The following TRPC3 variants were observed in gnomAD, a reference collection of about 807,000 sequenced individuals.
The protein encoded by TRPC3 is transient receptor potential cation channel subfamily C member 3.
A neutral mutation model predicts 90.9 loss-of-function variants in TRPC3; 54 were observed. The ratio of observed to expected loss-of-function variants is 0.59; its 90% confidence interval spans 0.48 to 0.75. The LOEUF is 0.75. Among genes scored for constraint, TRPC3 ranks in the 30% least tolerant of loss-of-function variants. The probability of loss-of-function intolerance (pLI) is 0.00; values close to 1 mark genes in which losing one functional copy is unlikely to be tolerated. For missense variants in TRPC3, 918 were observed against 1,194.5 expected, an observed-to-expected ratio of 0.77 and a Z score of 3.41; for synonymous variants, 424 against 450.9, an observed-to-expected ratio of 0.94 and a Z score of 0.75.
At chr4:121,934,976 A>C (rs1047383406) in intron 1 of TRPC3, among the ~76,000 whole-genome samples, 1 of 152,244 alleles carries the variant, frequency 6.6e-6, no homozygotes, top group Non-Finnish European at 1.5e-5. Flanking sequence ...TAAAAATTAA[A>C]TAAACATATT....
intron 1 of TRPC3, among the ~76,000 whole-genome samples, chr4:121,939,291 G>C (rs1031667287): frequency 6.6e-6 from 1 of 152,102 alleles, no homozygotes; most frequent in South Asian, 2.1e-4. Context: ...TGGGATTTTT[G>C]TATTTTTATG....
rs199670427 is a variant in TRPC3 at position 121,932,924 on chromosome 4, C to G, written c.334G>C (p.Glu112Gln). The G allele has an allele frequency of 6.2e-7, 1 of 1,614,054 alleles. No homozygotes were observed. Among genetic ancestry groups the G allele is most frequent in the African/African-American group, 1.3e-5 (1 of 75,064 alleles). ...FNDRGTSLTA[E>Q]EERFLDAAEY... Reference sequence around the variant, plus strand: ...GCGGCGTCGAGGAAGCGCTCCTCCTCGGCGGTGAGGCTGGTGCCGCGGTCA... The same window carrying G: ...GCGGCGTCGAGGAAGCGCTCCTCCTGGGCGGTGAGGCTGGTGCCGCGGTCA... The change falls in exon 2 of 12, where the codon GAG (glutamate) becomes CAG (glutamine). Residue 112 changes from glutamate to glutamine, a missense_variant. By Grantham distance (29) the Glu-to-Gln change is conservative. Around this residue, in one of 4 missense-constraint regions of TRPC3, gnomAD observed 609 missense variants for 725.9 expected, o/e 0.84. Coordinates refer to ENST00000379645, the MANE Select transcript of TRPC3 (RefSeq NM_001130698.2). This position sits in a 1 kb window ranked among gnomAD's most constrained non-coding sequence, Gnocchi z 7.7.
chr4:121,899,573 T>C, intron 10 of TRPC3, 39 bp downstream of exon 10: 1 of 1,532,250 alleles, frequency 6.5e-7, no homozygotes. Context: ...ATATATGGAA[T>C]CACATAGAGA....
At chr4:121,942,487 T>A (rs1730353493) in intron 1 of TRPC3, among the ~76,000 whole-genome samples, 1 of 152,132 alleles carries the variant, frequency 6.6e-6, no homozygotes, top group South Asian at 2.1e-4. Context: ...AAGAATGGCT[T>A]GAATCTGGGA....
At chr4:121,929,108 A>G (rs1729810270) in intron 2 of TRPC3, among the ~76,000 whole-genome samples, 1 of 152,224 alleles carries the variant, frequency 6.6e-6, no homozygotes, top group Admixed American at 6.5e-5. Context: ...AAGTGCTTCA[A>G]TATTACCAGG....
At chr4:121,933,611 A>T (rs1730031206) in intron 1 of TRPC3, among the ~76,000 whole-genome samples, 1 of 152,070 alleles carries the variant, frequency 6.6e-6, no homozygotes, top group South Asian at 2.1e-4. Flanking sequence ...TTATTTTAAA[A>T]TTTTTGTTTA....
chr4:121,881,525 T>G (rs910863658), intron 11 of TRPC3, among the ~76,000 whole-genome samples: 1 of 152,234 alleles, frequency 6.6e-6, no homozygotes, highest in African/African-American at 2.4e-5. Context: ...TTATCGATTA[T>G]AAATTCACAG....
At position 121,898,544 on chromosome 4, in the gene TRPC3, T is replaced by C. The variant is rs576425717; in HGVS notation, c.2547+1068A>G. ...TCATTCCACCCCATCTGTGAAAAAATTGTCTTCCACAAAACCGGTCCCTGG... is the reference window on the plus strand; with the variant it reads ...TCATTCCACCCCATCTGTGAAAAAACTGTCTTCCACAAAACCGGTCCCTGG... On this transcript the variant is annotated intron_variant, in intron 10 of 11. Coordinates refer to ENST00000379645, the MANE Select transcript of TRPC3 (RefSeq NM_001130698.2). Among the ~76,000 whole-genome samples the C allele has an allele frequency of 7.6e-4, 115 of 152,176 alleles. 2 individuals carry two copies. In the South Asian group the frequency reaches 0.023, roughly 30 times the overall value.
chr4:121,903,880 A>G lies in TRPC3; in HGVS notation c.2253+442T>C, dbSNP rs150229421. Among the ~76,000 whole-genome samples the G allele has an allele frequency of 1.4e-3, 220 of 152,312 alleles. 1 individual carries two copies. The highest frequency in any genetic ancestry group is 4.3e-3 in the African/African-American group (179 of 41,578). ...CATATATACAACAGTGAAGAGAGGT[A>G]CCAAACCCAGCCCAATCCAAAACCA... On this transcript the variant is annotated intron_variant, in intron 8 of 11. Coordinates refer to ENST00000379645, the MANE Select transcript of TRPC3 (RefSeq NM_001130698.2).
chr4:121,885,336 T>C (rs1728077440), intron 10 of TRPC3, among the ~76,000 whole-genome samples: 1 of 152,298 alleles, frequency 6.6e-6, no homozygotes, highest in African/African-American at 2.4e-5. Flanking sequence ...TTGAGGTCTC[T>C]CTCCCCCTAT....
At chr4:121,892,733 A>T (rs958000921) in intron 10 of TRPC3, among the ~76,000 whole-genome samples, 30 of 152,128 alleles carry the variant, frequency 2.0e-4, no homozygotes, top group African/African-American at 6.8e-4. Context: ...TATCCTTAGA[A>T]AAGAAAACAC....
At chr4:121,899,780 A>G in intron 9 of TRPC3, 85 bp from the exon 10 acceptor site, 2 of 1,044,972 alleles carry the variant, frequency 1.9e-6, no homozygotes, top group Non-Finnish European at 2.9e-6. Flanking sequence ...CCTTGATAAC[A>G]TTTCTGGAGT....
intron 7 of TRPC3, 58 bp from the exon 8 acceptor site, chr4:121,904,575 G>T: frequency 1.5e-6 from 2 of 1,361,668 alleles, no homozygotes; most frequent in South Asian, 1.6e-5. Context: ...ATCTAAGAGT[G>T]AAAAGTAAAA....
Position 121,932,588 on chromosome 4 carries a change from CG to C in TRPC3, c.669del (p.Tyr223Ter), listed in dbSNP as rs1360039375. ...GGCGAGAAGCGCGTGCCGTCCTCGTCGTAAGCGTAGAAGTCGTCGTCCTGCA... is the reference window on the plus strand; with the variant it reads ...GGCGAGAAGCGCGTGCCGTCCTCGTCTAAGCGTAGAAGTCGTCGTCCTGCA... ...QELQDDDFYA[Y>X]DEDGTRFSPD... On this transcript the variant is annotated frameshift_variant, in exon 2 of 12. Transcript: ENST00000379645. LOFTEE classifies it high-confidence loss of function. The surrounding 1 kb of genome is among the most constrained non-coding windows in gnomAD (Gnocchi z 7.7). 2 of 1,614,218 alleles carry C rather than the reference CG, an allele frequency of 1.2e-6. No homozygotes were observed.
chr4:121,921,003 A>G (rs1250283814), intron 3 of TRPC3, among the ~76,000 whole-genome samples: 1 of 152,200 alleles, frequency 6.6e-6, no homozygotes, highest in East Asian at 1.9e-4. Context: ...CTTTTATATG[A>G]GAAAGTCCTT....
Position 121,948,849 on chromosome 4 carries a change from T to TTC in TRPC3, c.215+2616_215+2617insGA, listed in dbSNP as rs72526534. Among the ~76,000 whole-genome samples, 112 of 137,598 alleles carry TTC rather than the reference T, an allele frequency of 8.1e-4. 1 individual carries two copies. The highest frequency in any genetic ancestry group is 2.9e-3 in the African/African-American group (107 of 37,470). The allele number at this position is 137,598 out of a possible 152,430, so 90.3% of individuals were successfully genotyped here. On this transcript the variant is annotated intron_variant, in intron 1 of 11. Transcript: ENST00000379645. ...TTTATAACTCTTTGCGGTTTTTTTT[T>TTC]TGTTTTTTTGTTTTTGTTGTTGTTG...
chr4:121,890,365 A>G (rs1439568045), intron 10 of TRPC3, among the ~76,000 whole-genome samples: 1 of 152,244 alleles, frequency 6.6e-6, no homozygotes, highest in Non-Finnish European at 1.5e-5. Flanking sequence ...GGTGATGAAC[A>G]TGCCAAATAC....
chr4:121,874,896 CTG>C lies in TRPC3; in HGVS notation c.*4838_*4839del. On this transcript the variant is annotated 3_prime_UTR_variant, in exon 12 of 12. Coordinates refer to ENST00000379645, the MANE Select transcript of TRPC3 (RefSeq NM_001130698.2). ...GCCTGTAGTCTCAGCTATTTGAAGGCTGAGGCTCAAGATTGCTTGAGCCCAAC... is the reference window on the plus strand; with the variant it reads ...GCCTGTAGTCTCAGCTATTTGAAGGCAGGCTCAAGATTGCTTGAGCCCAAC... Among the ~76,000 whole-genome samples, 1 of 152,076 alleles carries C rather than the reference CTG, an allele frequency of 6.6e-6. No homozygotes were observed. Among genetic ancestry groups the C allele is most frequent in the East Asian group, 1.9e-4 (1 of 5,184 alleles).
chr4:121,877,581 T>G lies in TRPC3; in HGVS notation c.*2155A>C, dbSNP rs1360849539. Among the ~76,000 whole-genome samples the G allele has an allele frequency of 1.3e-5, 2 of 152,058 alleles. No individual in the cohort carries two copies. Among genetic ancestry groups the G allele is most frequent in the African/African-American group, 4.8e-5 (2 of 41,388 alleles). Reference sequence around the variant, plus strand: ...AGAATCTGGGAGACAGGTGCACTGGTCCAGTAGAGGGCATCTGGGCAGGGC... The same window carrying G: ...AGAATCTGGGAGACAGGTGCACTGGGCCAGTAGAGGGCATCTGGGCAGGGC... On this transcript the variant is annotated 3_prime_UTR_variant, in exon 12 of 12. Transcript: ENST00000379645.
Sources: gnomAD v4.1 joint callset for allele counts (sites outside exome capture counted in the v4.1 genomes callset) on GRCh38, gnomAD v4.1.1 for gene constraint, gnomAD v4.1.1 regional missense constraint, Gnocchi (gnomAD v3.1) non-coding constraint, MANE v1.5 for transcripts, NCBI Gene and HGNC (gene_info 2026-07-23, HGNC 2026-07-21) for gene names.